Variants in WDR41 observed in about 807,000 individuals in gnomAD.
WDR41 encodes WD repeat-containing protein 41.
A neutral mutation model predicts 69.3 loss-of-function variants in WDR41; 63 were observed. That is an observed-to-expected ratio of 0.91 (90% CI 0.74 to 1.12). WDR41 has a LOEUF of 1.12. WDR41 is among the 50% of genes most tolerant of loss of function. The probability of loss-of-function intolerance (pLI) is 0.00; values close to 1 mark genes in which losing one functional copy is unlikely to be tolerated. For missense variants in WDR41, 543 were observed against 534.5 expected, an observed-to-expected ratio of 1.02 and a Z score of -0.16; for synonymous variants, 185 against 192.1, an observed-to-expected ratio of 0.96 and a Z score of 0.31.
At chr5:77,529,156 A>G (rs982414192) in intron 1 of WDR41, among the ~76,000 whole-genome samples, 1 of 151,594 alleles carries the variant, frequency 6.6e-6, no homozygotes, top group African/African-American at 2.4e-5. Context: ...TCTACAGAAA[A>G]AATATTAGAT....
chr5:77,565,745 T>G (rs1743614213), intron 1 of WDR41, among the ~76,000 whole-genome samples: 1 of 152,162 alleles, frequency 6.6e-6, no homozygotes, highest in African/African-American at 2.4e-5. Context: ...TTTTTCCTTC[T>G]CTGCCTCCTA....
At chr5:77,469,746 G>C (rs111324864) in intron 2 of WDR41, among the ~76,000 whole-genome samples, 2 of 151,436 alleles carry the variant, frequency 1.3e-5, no homozygotes, top group Admixed American at 6.6e-5. Context: ...AGGATAAAAA[G>C]AAACAAAGCC....
At chr5:77,507,406 T>A (rs1359163785) in intron 1 of WDR41, among the ~76,000 whole-genome samples, 3 of 152,220 alleles carry the variant, frequency 2.0e-5, no homozygotes, top group Admixed American at 6.5e-5. Context: ...TGCCTTTATT[T>A]TTCTGACAAT....
At chr5:77,544,357 C>A (rs1341771764) in intron 1 of WDR41, among the ~76,000 whole-genome samples, 1 of 152,082 alleles carries the variant, frequency 6.6e-6, no homozygotes, top group Non-Finnish European at 1.5e-5. Flanking sequence ...CCTAAACGCT[C>A]CACTTAAAAG....
intron 2 of WDR41, among the ~76,000 whole-genome samples, chr5:77,474,249 C>T (rs1228761860): frequency 6.6e-6 from 1 of 151,860 alleles, no homozygotes; most frequent in East Asian, 1.9e-4. Flanking sequence ...AACACATGGA[C>T]CCAGGAAGGA....
intron 1 of WDR41, among the ~76,000 whole-genome samples, chr5:77,587,966 A>C (rs1049807841): frequency 2.0e-5 from 3 of 152,166 alleles, no homozygotes; most frequent in African/African-American, 7.2e-5. Context: ...GGCCTCTAGA[A>C]CTGTAAGAAC....
At chr5:77,506,420 T>G (rs1802108969) in intron 1 of WDR41, among the ~76,000 whole-genome samples, 1 of 152,138 alleles carries the variant, frequency 6.6e-6, no homozygotes, top group Non-Finnish European at 1.5e-5. Context: ...GAAATAGGAA[T>G]GATTTTACAC....
intron 1 of WDR41, among the ~76,000 whole-genome samples, chr5:77,533,989 A>G (rs1260015702): frequency 1.3e-5 from 2 of 152,144 alleles, no homozygotes; most frequent in Non-Finnish European, 2.9e-5. Flanking sequence ...AATATCATCT[A>G]TGTGTGTGGT....
intron 1 of WDR41, among the ~76,000 whole-genome samples, chr5:77,604,962 A>T (rs1352684217): frequency 6.7e-6 from 1 of 149,522 alleles, no homozygotes; most frequent in African/African-American, 2.6e-5. Flanking sequence ...TGCATTTTTT[A>T]AAAATCTCTA....
At chr5:77,505,560 A>C (rs577415251) in intron 1 of WDR41, among the ~76,000 whole-genome samples, 1 of 152,342 alleles carries the variant, frequency 6.6e-6, no homozygotes, top group South Asian at 2.1e-4. Flanking sequence ...TGGAACCAAA[A>C]AAGAGCCCAC....
chr5:77,543,387 T>C (rs1338239280), intron 1 of WDR41, among the ~76,000 whole-genome samples: 2 of 151,308 alleles, frequency 1.3e-5, no homozygotes, highest in Non-Finnish European at 2.9e-5. Context: ...CAAAGCCCAA[T>C]GTAAGGAAAT....
At chr5:77,543,174 T>A (rs1172252382) in intron 1 of WDR41, among the ~76,000 whole-genome samples, 1 of 152,156 alleles carries the variant, frequency 6.6e-6, no homozygotes, top group Non-Finnish European at 1.5e-5. Flanking sequence ...GCCCTAGACC[T>A]TCCCTCTGAC....
At chr5:77,620,420 T>C (rs1580057805) in intron 1 of WDR41, 1 of 456,026 alleles carries the variant, frequency 2.2e-6, no homozygotes, top group Admixed American at 2.4e-5. Context: ...TAAGGTCCTA[T>C]GACCCTGAAA....
At chr5:77,607,288 T>C (rs1229505920) in intron 1 of WDR41, among the ~76,000 whole-genome samples, 1 of 152,206 alleles carries the variant, frequency 6.6e-6, no homozygotes, top group Admixed American at 6.5e-5. Flanking sequence ...GAAGGTGTGA[T>C]AGATGCTACA....
chr5:77,564,272 G>C (rs1743576183), intron 1 of WDR41, among the ~76,000 whole-genome samples: 1 of 152,088 alleles, frequency 6.6e-6, no homozygotes, highest in South Asian at 2.1e-4. Context: ...TTGCATTCTT[G>C]GCCAGACACA....
At chr5:77,587,900 G>A (rs183412524) in intron 1 of WDR41, among the ~76,000 whole-genome samples, 1 of 152,172 alleles carries the variant, frequency 6.6e-6, no homozygotes. Flanking sequence ...CCATCTCCAA[G>A]TCAAGGAGAA....
At chr5:77,464,890 AGTGGT>A in intron 2 of WDR41, 81 bp from the exon 3 acceptor site, 1 of 1,419,390 alleles carries the variant, frequency 7.0e-7, no homozygotes, top group Non-Finnish European at 9.9e-7. Flanking sequence ...AAACCTTATT[AGTGGT>A]ATTTTGACTA....
chr5:77,433,200 C>T lies in WDR41; in HGVS notation c.1315G>A (p.Gly439Arg), dbSNP rs138299688. 8.1e-6 allele frequency: 13 copies of T among 1,613,868 alleles called. No homozygotes were observed. Among genetic ancestry groups the T allele is most frequent in the Middle Eastern group, 3.3e-4 (2 of 6,080 alleles). Residue 439 changes from glycine to arginine, a missense_variant, in exon 13 of 13, where the codon GGA becomes AGA. Physicochemically the swap from Gly to Arg is moderately radical, Grantham distance 125. Transcript: ENST00000296679. ...TGAAATAATCTTAAACTGCGCAATC[C>T]AGATTCTCGCTCTCCATTTTTCCAC... ...ILWKNGERES[G>R]LRSLRLFQKL...
chr5:77,478,778 C>A (rs1188661422), intron 2 of WDR41, among the ~76,000 whole-genome samples: 4 of 150,366 alleles, frequency 2.7e-5, no homozygotes, highest in East Asian at 3.9e-4. Flanking sequence ...GACAGGGATG[C>A]CCTCTCTCAC....
Sources: allele counts gnomAD v4.1 joint callset (sites outside exome capture counted in the v4.1 genomes callset), GRCh38; gene constraint gnomAD v4.1.1; transcripts MANE v1.5; gene names NCBI Gene and HGNC (gene_info 2026-07-23, HGNC 2026-07-21).